Variants in AMER2 observed in about 807,000 individuals in gnomAD.
AMER2 encodes the protein family with sequence similarity 123A.
In AMER2, 1 loss-of-function variant was observed where a neutral mutation model predicts 4.7. The ratio of observed to expected loss-of-function variants is 0.21; its 90% confidence interval spans 0.07 to 1.00. The LOEUF (loss-of-function observed/expected upper bound fraction) is 1.00, where lower values mean the gene tolerates loss of function less well. Ranked by LOEUF, AMER2 falls within the 50% of genes least tolerant of loss-of-function variation. The probability of loss-of-function intolerance (pLI) is 0.60; values close to 1 mark genes in which losing one functional copy is unlikely to be tolerated. For missense variants in AMER2, 988 were observed against 966.9 expected (o/e 1.02, Z -0.29); for synonymous variants, 485 against 433.3 (o/e 1.12, Z -1.48).
At position 25,169,497 on chromosome 13, in the gene AMER2, G is replaced by T; in HGVS notation, c.*107C>A. ...CTCTGGAGCAGGGCGGGGGACGGGT[G>T]GTGTCCTAAAAGACTTTCTTTAGGA... On this transcript the variant is annotated 3_prime_UTR_variant, in exon 1 of 1. Transcript: ENST00000515384. The surrounding 1 kb of genome is among the most constrained non-coding windows in gnomAD (Gnocchi z 4.2). 1 of 1,419,764 alleles carries T rather than the reference G, an allele frequency of 7.0e-7. No homozygotes were observed. Among genetic ancestry groups the T allele is most frequent in the East Asian group, 2.4e-5 (1 of 42,268 alleles). 87.9% of individuals were successfully genotyped at this position (1,419,764 alleles called of 1,614,324 possible).
In AMER2 at chr13:25,169,729, T is replaced by G; in HGVS notation, c.1891A>C (p.Arg631=). The G allele has an allele frequency of 6.2e-7, 1 of 1,614,172 alleles. No individual in the cohort carries two copies. Among genetic ancestry groups the G allele is most frequent in the South Asian group, 1.1e-5 (1 of 91,082 alleles). ...SHPVVHQQPS[R]SEMPRTKIPV... Reference sequence around the variant, plus strand: ...ATTTTTGTTCTGGGCATCTCACTCCTGGAGGGTTGCTGGTGCACCACGGGA... The same window carrying G: ...ATTTTTGTTCTGGGCATCTCACTCCGGGAGGGTTGCTGGTGCACCACGGGA... The change falls in exon 1 of 1, where the codon AGG becomes CGG. Residue 631 remains arginine, a synonymous_variant. Coordinates refer to ENST00000515384, the MANE Select transcript of AMER2 (RefSeq NM_152704.4). This position sits in a 1 kb window ranked among gnomAD's most constrained non-coding sequence, Gnocchi z 4.2.
chr13:25,169,732 A>T lies in AMER2; in HGVS notation c.1888T>A (p.Ser630Thr), dbSNP rs758245745. 1.9e-6 allele frequency: 3 copies of T among 1,614,114 alleles called. No individual in the cohort carries two copies. Among genetic ancestry groups the T allele is most frequent in the Non-Finnish European group, 2.5e-6 (3 of 1,180,028 alleles). Reference sequence around the variant, plus strand: ...TTTGTTCTGGGCATCTCACTCCTGGAGGGTTGCTGGTGCACCACGGGATGG... The same window carrying T: ...TTTGTTCTGGGCATCTCACTCCTGGTGGGTTGCTGGTGCACCACGGGATGG... ...SSHPVVHQQP[S>T]RSEMPRTKIP... The change falls in exon 1 of 1, where the codon TCC becomes ACC. Residue 630 changes from serine (S) to threonine (T), a missense_variant. Ser to Thr is a moderately conservative substitution (Grantham distance 58). Coordinates refer to ENST00000515384, the MANE Select transcript of AMER2 (RefSeq NM_152704.4). The surrounding 1 kb of genome is among the most constrained non-coding windows in gnomAD (Gnocchi z 4.2).
rs1343664594 is a variant in AMER2, at chr13:25,169,837, G to C, written c.1783C>G (p.Pro595Ala). ...AGCAAGCTGCCTGGTGTTCGCAGTGGACAGGTGATGGTGCCTGGAGATACG... is the reference window on the plus strand; with the variant it reads ...AGCAAGCTGCCTGGTGTTCGCAGTGCACAGGTGATGGTGCCTGGAGATACG... ...KPVSPGTITCPLRTPGSLLKD... is the reference protein window; with the variant it reads ...KPVSPGTITCALRTPGSLLKD... The change falls in exon 1 of 1, where the codon CCA becomes GCA. Residue 595 changes from proline (P) to alanine (A), a missense_variant. Pro to Ala is a conservative substitution (Grantham distance 27, BLOSUM62 -1). Coordinates refer to ENST00000515384, the MANE Select transcript of AMER2 (RefSeq NM_152704.4). This position sits in a 1 kb window ranked among gnomAD's most constrained non-coding sequence, Gnocchi z 4.2. 2 of 1,614,116 alleles carry C rather than the reference G, an allele frequency of 1.2e-6. No individual in the cohort carries two copies. The highest frequency in any genetic ancestry group is 2.2e-5 in the South Asian group (2 of 91,076).
Position 25,169,701 on chromosome 13 carries a change from G to A in AMER2, c.1919C>T (p.Pro640Leu), listed in dbSNP as rs781271984. The change falls in exon 1 of 1, where the codon CCG (proline) becomes CTG (leucine). Residue 640 changes from proline to leucine, a missense_variant. Pro to Leu is a moderately conservative substitution (Grantham distance 98). Coordinates refer to ENST00000515384, the MANE Select transcript of AMER2 (RefSeq NM_152704.4). The surrounding 1 kb of genome is among the most constrained non-coding windows in gnomAD (Gnocchi z 4.2). ...SRSEMPRTKI[P>L]VSKVLVRRVS... is the part of the protein sequence containing the mutation. ...TCTGCGGACCAGCACTTTGGAAACCGGGATTTTTGTTCTGGGCATCTCACT... is the reference window on the plus strand; with the variant it reads ...TCTGCGGACCAGCACTTTGGAAACCAGGATTTTTGTTCTGGGCATCTCACT... The A allele has an allele frequency of 6.2e-7, 1 of 1,614,050 alleles. No homozygotes were observed. Among genetic ancestry groups the A allele is most frequent in the African/African-American group, 1.3e-5 (1 of 74,930 alleles).
chr13:25,172,099 A>C lies in AMER2; in HGVS notation c.-480T>G. 1 of 157,456 alleles carries C rather than the reference A, an allele frequency of 6.4e-6. No homozygotes were observed. Among genetic ancestry groups the C allele is most frequent in the Non-Finnish European group, 1.4e-5 (1 of 71,896 alleles). The allele number at this position is 157,456 out of a possible 1,614,324, so 9.8% of individuals were successfully genotyped here. ...TGTCTGTCCTTAGCATTGGTGCACT[A>C]AGCCCAGCAGGCAGGAAGCATGTCT... On this transcript the variant is annotated 5_prime_UTR_variant, in exon 1 of 1. The change creates a premature stop within an existing upstream ORF in the 5' untranslated region. Coordinates refer to ENST00000515384, the MANE Select transcript of AMER2 (RefSeq NM_152704.4).
Position 25,164,865 on chromosome 13 carries a change from T to C in AMER2, c.*4739A>G, listed in dbSNP as rs1956459208. 1 of 152,166 alleles carries C rather than the reference T, an allele frequency of 6.6e-6. No individual in the cohort carries two copies. The highest frequency in any genetic ancestry group is 2.4e-5 in the African/African-American group (1 of 41,438). The allele number at this position is 152,166 out of a possible 1,614,324, so 9.4% of individuals were successfully genotyped here. A position where few individuals can be genotyped will look rare whatever the true frequency, so the allele number is the denominator to read the frequency against. On this transcript the variant is annotated 3_prime_UTR_variant, in exon 1 of 1. Coordinates refer to ENST00000515384, the MANE Select transcript of AMER2 (RefSeq NM_152704.4). ...CACCCCACAAACTATAAGCAACAAATGCAAATACCAAAAAAAAGTAAAATA... is the reference window on the plus strand; with the variant it reads ...CACCCCACAAACTATAAGCAACAAACGCAAATACCAAAAAAAAGTAAAATA...
Position 25,170,010 on chromosome 13 carries a change from G to C in AMER2, c.1610C>G (p.Ser537Trp). The C allele has an allele frequency of 6.2e-7, 1 of 1,613,774 alleles. No individual in the cohort carries two copies. The highest frequency in any genetic ancestry group is 8.5e-7 in the Non-Finnish European group (1 of 1,179,866). Residue 537 changes from serine (S) to tryptophan (W), a missense_variant, in exon 1 of 1, where the codon TCG (serine) becomes TGG (tryptophan). By Grantham distance (177) the Ser-to-Trp change is radical. Transcript: ENST00000515384. This position sits in a 1 kb window ranked among gnomAD's most constrained non-coding sequence, Gnocchi z 7.3. The part of the protein sequence containing the change: ...STTPGPEEDS[S>W]SSGKKAGIPR... ...GATGCCCGCCTTCTTCCCGCTGCTC[G>C]AGCTGTCTTCCTCTGGGCCTGGCGT...
rs1956447086 is a variant in AMER2 at position 25,164,109 on chromosome 13, A to G, written c.*5495T>C. On this transcript the variant is annotated 3_prime_UTR_variant, in exon 1 of 1. Transcript: ENST00000515384. The stretch of plus-strand genomic sequence containing the variant: ...GACAGAGTAAGACTCCATCTCAAAA[A>G]AAAAAAAAAAAAAAATTAAAGAGGG... 6.6e-6 allele frequency: 1 copy of G among 152,026 alleles called. No homozygotes were observed. Among genetic ancestry groups the G allele is most frequent in the Admixed American group, 6.6e-5 (1 of 15,218 alleles). The allele number at this position is 152,026 out of a possible 1,614,324, so 9.4% of individuals were successfully genotyped here.
In AMER2 at chr13:25,171,980, A is replaced by C; in HGVS notation, c.-361T>G. On this transcript the variant is annotated 5_prime_UTR_variant, in exon 1 of 1. Coordinates refer to ENST00000515384, the MANE Select transcript of AMER2 (RefSeq NM_152704.4). The surrounding 1 kb of genome is among the most constrained non-coding windows in gnomAD (Gnocchi z 5.9). Reference sequence around the variant, plus strand: ...CCATGGATCACGAAATGCCTCTAAAAACGACAACGCAATTCAACCCACCAC... The same window carrying C: ...CCATGGATCACGAAATGCCTCTAAACACGACAACGCAATTCAACCCACCAC... 5.8e-5 allele frequency: 15 copies of C among 256,800 alleles called. No homozygotes were observed. Among genetic ancestry groups the C allele is most frequent in the East Asian group, 1.5e-4 (2 of 13,062 alleles). The allele number at this position is 256,800 out of a possible 1,614,324, so 15.9% of individuals were successfully genotyped here. A position where few individuals can be genotyped will look rare whatever the true frequency, so the allele number is the denominator to read the frequency against.
rs1035551647 is a variant in AMER2 at position 25,165,335 on chromosome 13, C to G, written c.*4269G>C. 6.6e-6 allele frequency: 1 copy of G among 152,244 alleles called. No homozygotes were observed. The highest frequency in any genetic ancestry group is 1.5e-5 in the Non-Finnish European group (1 of 68,042). The allele number at this position is 152,244 out of a possible 1,614,324, so 9.4% of individuals were successfully genotyped here. ...ATCAATGGCCGCCTGTGAGGAGCCA[C>G]ACTTACACGCTGCACTGACAATGTC... On this transcript the variant is annotated 3_prime_UTR_variant, in exon 1 of 1. Coordinates refer to ENST00000515384, the MANE Select transcript of AMER2 (RefSeq NM_152704.4).
In AMER2 at chr13:25,169,018, C is replaced by T. The variant is rs1272586766; in HGVS notation, c.*586G>A. On this transcript the variant is annotated 3_prime_UTR_variant, in exon 1 of 1. Coordinates refer to ENST00000515384, the MANE Select transcript of AMER2 (RefSeq NM_152704.4). The surrounding 1 kb of genome is among the most constrained non-coding windows in gnomAD (Gnocchi z 4.2). ...GAAGTTTTCTGCCAATCAGTGGTCC[C>T]CTCTGCTCATCAGGTAAATACCTGG... The T allele has an allele frequency of 6.5e-6, 1 of 152,686 alleles. No individual in the cohort carries two copies. Among genetic ancestry groups the T allele is most frequent in the African/African-American group, 2.4e-5 (1 of 41,456 alleles). The allele number at this position is 152,686 out of a possible 1,614,324, so 9.5% of individuals were successfully genotyped here.
rs1476033902 is a variant in AMER2 at position 25,169,648 on chromosome 13, T to G, written c.1972A>C (p.Thr658Pro). The G allele has an allele frequency of 6.2e-7, 1 of 1,609,956 alleles. No individual in the cohort carries two copies. Among genetic ancestry groups the G allele is most frequent in the Admixed American group, 1.7e-5 (1 of 59,744 alleles). Residue 658 changes from threonine (T) to proline (P), a missense_variant, in exon 1 of 1, where the codon ACC (threonine) becomes CCC (proline). Transcript: ENST00000515384. This position sits in a 1 kb window ranked among gnomAD's most constrained non-coding sequence, Gnocchi z 4.2. ...TCGTGGCAGGCCGTTGCTCTGATGG[T>G]GGTCCCAGCCAAGCCCCGGTTGCTG... ...RVSNRGLAGT[T>P]IRATACHDSA...
chr13:25,170,151 C>T lies in AMER2; in HGVS notation c.1469G>A (p.Arg490His), dbSNP rs1429856634. ...EAAKDASSVK[R>H]RRLNRIPIEP... ...GATGGGAATCCGGTTGAGCCTCCTG[C>T]GCTTGACCGAGGACGCGTCCTTGGC... The change falls in exon 1 of 1, where the codon CGC (arginine) becomes CAC (histidine). Residue 490 changes from arginine to histidine, a missense_variant. Transcript: ENST00000515384. This position sits in a 1 kb window ranked among gnomAD's most constrained non-coding sequence, Gnocchi z 7.3. 6.2e-7 allele frequency: 1 copy of T among 1,613,978 alleles called. No individual in the cohort carries two copies. Among genetic ancestry groups the T allele is most frequent in the Non-Finnish European group, 8.5e-7 (1 of 1,179,996 alleles).
Position 25,170,204 on chromosome 13 carries a change from G to A in AMER2, c.1416C>T (p.Thr472=), listed in dbSNP as rs758913073. 5 of 1,612,670 alleles carry A rather than the reference G, an allele frequency of 3.1e-6. No homozygotes were observed. In the East Asian group the frequency reaches 1.1e-4, roughly 36 times the overall value. ...CTTCCACACACCTGGTGTCTTTGGGGGTCTCGGGCACCACCTTGGTTTCCA... is the reference window on the plus strand; with the variant it reads ...CTTCCACACACCTGGTGTCTTTGGGAGTCTCGGGCACCACCTTGGTTTCCA... ...AALETKVVPE[T]PKDTRCVEAA... is the part of the protein sequence containing the mutation. The change falls in exon 1 of 1, where the codon ACC becomes ACT. Residue 472 remains threonine, a synonymous_variant. Transcript: ENST00000515384. This position sits in a 1 kb window ranked among gnomAD's most constrained non-coding sequence, Gnocchi z 7.3.
Position 25,171,005 on chromosome 13 carries a change from C to T in AMER2, c.615G>A (p.Arg205=). The part of the protein sequence containing the change: ...RGLFSGMRWH[R]KDKRAKAEAA... The stretch of plus-strand genomic sequence containing the variant: ...CCTCCGCCTTGGCCCGCTTGTCTTT[C>T]CTGTGCCAGCGCATGCCGCTGAACA... The change falls in exon 1 of 1, where the codon AGG becomes AGA. Residue 205 remains arginine (R), a synonymous_variant. Transcript: ENST00000515384. The surrounding 1 kb of genome is among the most constrained non-coding windows in gnomAD (Gnocchi z 5.9). 6.4e-7 allele frequency: 1 copy of T among 1,566,926 alleles called. No individual in the cohort carries two copies. Among genetic ancestry groups the T allele is most frequent in the Non-Finnish European group, 8.6e-7 (1 of 1,158,016 alleles).
At position 25,169,523 on chromosome 13, in the gene AMER2, A is replaced by C; in HGVS notation, c.*81T>G. ...GTGTCCTAAAAGACTTTCTTTAGGA[A>C]AAGCAAAACTTACTTTAGTGGTTTC... On this transcript the variant is annotated 3_prime_UTR_variant, in exon 1 of 1. Transcript: ENST00000515384. This position sits in a 1 kb window ranked among gnomAD's most constrained non-coding sequence, Gnocchi z 4.2. 1 of 1,503,902 alleles carries C rather than the reference A, an allele frequency of 6.6e-7. No individual in the cohort carries two copies. The allele number at this position is 1,503,902 out of a possible 1,614,324, so 93.2% of individuals were successfully genotyped here.
chr13:25,171,376 T>C lies in AMER2; in HGVS notation c.244A>G (p.Ser82Gly). The C allele has an allele frequency of 6.2e-7, 1 of 1,612,646 alleles. No individual in the cohort carries two copies. The highest frequency in any genetic ancestry group is 8.5e-7 in the Non-Finnish European group (1 of 1,179,552). Residue 82 changes from serine to glycine, a missense_variant, in exon 1 of 1, where the codon AGC becomes GGC. By Grantham distance (56) the Ser-to-Gly change is moderately conservative. Transcript: ENST00000515384. The surrounding 1 kb of genome is among the most constrained non-coding windows in gnomAD (Gnocchi z 5.9). ...CCTTTGTTTTTGACCCCAAAAATGC[T>C]GGGCATGGTGCCACCCGATTTCCTC... ...KKRKSGGTMP[S>G]IFGVKNKGDG...
Position 25,165,211 on chromosome 13 carries a change from C to G in AMER2, c.*4393G>C, listed in dbSNP as rs1410960152. On this transcript the variant is annotated 3_prime_UTR_variant, in exon 1 of 1. Coordinates refer to ENST00000515384, the MANE Select transcript of AMER2 (RefSeq NM_152704.4). The stretch of plus-strand genomic sequence containing the variant: ...CATTCCTTAGAAGTGGCTATTGTTG[C>G]AACAATCTGTCTCCTTAAACCTTAT... 1.3e-5 allele frequency: 2 copies of G among 152,272 alleles called. No homozygotes were observed. The highest frequency in any genetic ancestry group is 2.9e-5 in the Non-Finnish European group (2 of 68,060). 9.4% of individuals were successfully genotyped at this position (152,272 alleles called of 1,614,324 possible). A position where few individuals can be genotyped will look rare whatever the true frequency, so the allele number is the denominator to read the frequency against.
chr13:25,170,274 T>C lies in AMER2; in HGVS notation c.1346A>G (p.Gln449Arg), dbSNP rs1956540231. 4 of 1,613,416 alleles carry C rather than the reference T, an allele frequency of 2.5e-6. No individual in the cohort carries two copies. The highest frequency in any genetic ancestry group is 1.7e-5 in the Admixed American group (1 of 59,946). ...FWDMLSQTEE[Q>R]GPEPQEGAAK... is the part of the protein sequence containing the mutation. ...CGCGCCCTCCTGGGGCTCGGGTCCC[T>C]GCTCCTCGGTCTGGGAGAGCATGTC... Residue 449 changes from glutamine to arginine, a missense_variant, in exon 1 of 1, where the codon CAG (glutamine) becomes CGG (arginine). Transcript: ENST00000515384. This position sits in a 1 kb window ranked among gnomAD's most constrained non-coding sequence, Gnocchi z 7.3.
Sources: gnomAD v4.1 joint callset for allele counts on GRCh38, gnomAD v4.1.1 for gene constraint, Gnocchi (gnomAD v3.1) non-coding constraint, MANE v1.5 for transcripts, NCBI Gene and HGNC (gene_info 2026-07-23, HGNC 2026-07-21) for gene names.